Variants in MEF2D observed in about 807,000 individuals in gnomAD.
The protein encoded by MEF2D is myocyte enhancer factor 2D.
In MEF2D, 10 loss-of-function variants were observed where a neutral mutation model predicts 59.3. The ratio of observed to expected loss-of-function variants is 0.17; its 90% CI spans 0.10 to 0.29. The LOEUF (loss-of-function observed/expected upper bound fraction) is 0.29, where lower values mean the gene tolerates loss of function less well. MEF2D is among the 10% of genes least tolerant of loss of function. The probability of loss-of-function intolerance (pLI) is 1.00; values close to 1 mark genes in which losing one functional copy is unlikely to be tolerated. For missense variants in MEF2D, 508 were observed against 699.4 expected, an observed-to-expected ratio of 0.73 and a Z score of 3.09; for synonymous variants, 305 against 295.0, an observed-to-expected ratio of 1.03 and a Z score of -0.35.
At chr1:156,478,587 A>G (rs1258568756) in intron 6 of MEF2D, among the ~76,000 whole-genome samples, 1 of 151,958 alleles carries the variant, frequency 6.6e-6, no homozygotes, top group African/African-American at 2.4e-5. Context: ...CTGGAGTGCA[A>G]TGGCATGATC....
intron 9 of MEF2D, among the ~76,000 whole-genome samples, chr1:156,470,610 T>C (rs529168774): frequency 6.6e-6 from 1 of 152,238 alleles, no homozygotes; most frequent in East Asian, 1.9e-4. Flanking sequence ...CTCTGCAATA[T>C]AGCAATAAGG....
chr1:156,496,653 C>T (rs1461859148), intron 1 of MEF2D, among the ~76,000 whole-genome samples: 1 of 152,190 alleles, frequency 6.6e-6, no homozygotes, highest in Admixed American at 6.5e-5. Flanking sequence ...CCCAACTCTC[C>T]AATCCTTTAA....
At chr1:156,488,129 T>G (rs892100690) in intron 1 of MEF2D, among the ~76,000 whole-genome samples, 6 of 152,146 alleles carry the variant, frequency 3.9e-5, no homozygotes, top group African/African-American at 1.4e-4. Flanking sequence ...TTCACCTGAC[T>G]CCGTGGACAG....
At chr1:156,476,127 G>C (rs1040186270) in intron 8 of MEF2D, among the ~76,000 whole-genome samples, 8 of 152,228 alleles carry the variant, frequency 5.3e-5, no homozygotes, top group Non-Finnish European at 1.2e-4. Flanking sequence ...CAGAGGACTA[G>C]TGGGATCCAG....
intron 9 of MEF2D, among the ~76,000 whole-genome samples, chr1:156,471,500 G>A (rs1278315877): frequency 6.6e-6 from 1 of 152,218 alleles, no homozygotes; most frequent in East Asian, 1.9e-4. Flanking sequence ...CTTGCCCAAG[G>A]CCCCTCAGTG....
At chr1:156,487,198 G>C (rs938619723) in intron 1 of MEF2D, among the ~76,000 whole-genome samples, 2 of 152,224 alleles carry the variant, frequency 1.3e-5, no homozygotes, top group Non-Finnish European at 2.9e-5. Flanking sequence ...CCTCATGCTG[G>C]GGGAGCTGGG....
At chr1:156,481,106 C>T in intron 3 of MEF2D, 135 bp from the exon 4 acceptor site, 2 of 1,247,380 alleles carry the variant, frequency 1.6e-6, no homozygotes, top group South Asian at 1.4e-5. Context: ...ATCTCCCTGG[C>T]CCCTCCCCAC....
Position 156,477,215 on chromosome 1 carries a change from C to T in MEF2D, c.665-13G>A. 4 of 1,579,976 alleles carry T rather than the reference C, an allele frequency of 2.5e-6. No homozygotes were observed. The highest frequency in any genetic ancestry group is 3.4e-6 in the Non-Finnish European group (4 of 1,162,022). On this transcript the variant is annotated splice_polypyrimidine_tract_variant and intron_variant, in intron 6 of 11. Transcript: ENST00000348159. Reference sequence around the variant, plus strand: ...ACGTAGCCATTCCCTGGAGAAGTGACAACAAGAGGGTAAAAGGAAAAACAT... The same window carrying T: ...ACGTAGCCATTCCCTGGAGAAGTGATAACAAGAGGGTAAAAGGAAAAACAT...
rs189849082 is a variant in MEF2D, at chr1:156,468,342, G to C, written c.1248-43C>G. The C allele has an allele frequency of 7.9e-4, 1,111 of 1,400,558 alleles. No individual in the cohort carries two copies. Among genetic ancestry groups the C allele is most frequent in the Admixed American group, 1.1e-3 (50 of 44,604 alleles). 86.8% of individuals were successfully genotyped at this position (1,400,558 alleles called of 1,614,324 possible). A position where few individuals can be genotyped will look rare whatever the true frequency, so the allele number is the denominator to read the frequency against. On this transcript the variant is annotated intron_variant, in intron 10 of 11. Transcript: ENST00000348159. This position sits in a 1 kb window ranked among gnomAD's most constrained non-coding sequence, Gnocchi z 4.3. ...AAATGGGGTACAAGGGATAAAAACA[G>C]AGGGGGTGAGTGACAGAACAAGTGA...
chr1:156,496,366 C>T (rs1286891096), intron 1 of MEF2D, among the ~76,000 whole-genome samples: 1 of 152,066 alleles, frequency 6.6e-6, no homozygotes, highest in Non-Finnish European at 1.5e-5. Flanking sequence ...AAAGCTGGGG[C>T]CCAAGAGGAG....
At chr1:156,479,422 G>C in intron 5 of MEF2D, 76 bp from the exon 6 acceptor site, 1 of 1,541,796 alleles carries the variant, frequency 6.5e-7, no homozygotes, top group Non-Finnish European at 8.8e-7. Flanking sequence ...TGAACATGAA[G>C]AGGGGACCCC....
Position 156,482,599 on chromosome 1 carries a change from C to A in MEF2D, c.96G>T (p.Ala32=). 1 of 1,614,240 alleles carries A rather than the reference C, an allele frequency of 6.2e-7. No homozygotes were observed. Among genetic ancestry groups the A allele is most frequent in the Non-Finnish European group, 8.5e-7 (1 of 1,180,040 alleles). Residue 32 remains alanine, a synonymous_variant, in exon 3 of 12, where the codon GCG becomes GCT. Transcript: ENST00000348159. ...AGTCACATAGCACGCTCAGCTCATACGCCTTCTTCATCAGGCCAAACTTCC... is the reference window on the plus strand; with the variant it reads ...AGTCACATAGCACGCTCAGCTCATAAGCCTTCTTCATCAGGCCAAACTTCC... ...TKRKFGLMKK[A]YELSVLCDCE... is the part of the protein sequence containing the mutation.
At chr1:156,469,096 G>A in intron 9 of MEF2D, 76 bp from the exon 10 acceptor site, 2 of 1,520,790 alleles carry the variant, frequency 1.3e-6, no homozygotes, top group Non-Finnish European at 1.8e-6. Flanking sequence ...CTGCCTCCAG[G>A]AGGACTGTGG....
chr1:156,476,627 C>A, intron 7 of MEF2D, 113 bp from the exon 8 acceptor site: 1 of 1,282,600 alleles, frequency 7.8e-7, no homozygotes, highest in Non-Finnish European at 1.1e-6. Context: ...TAGGGTGGCT[C>A]TACCCAGCCT....
chr1:156,500,086 C>A (rs1673394064), intron 1 of MEF2D, among the ~76,000 whole-genome samples: 1 of 152,064 alleles, frequency 6.6e-6, no homozygotes, highest in South Asian at 2.1e-4. Flanking sequence ...GAGGGAGGGC[C>A]GGCTGTTAAA....
Position 156,468,852 on chromosome 1 carries a change from TGTGGCTGTGGCTGCTGTGGCTGCG to T in MEF2D, c.1151_1174del (p.Pro384_Pro391del). The T allele has an allele frequency of 1.2e-6, 2 of 1,613,876 alleles. No homozygotes were observed. Among genetic ancestry groups the T allele is most frequent in the Non-Finnish European group, 8.5e-7 (1 of 1,179,892 alleles). On this transcript the variant is annotated inframe_deletion, in exon 10 of 12. Transcript: ENST00000348159. This position sits in a 1 kb window ranked among gnomAD's most constrained non-coding sequence, Gnocchi z 4.3. ...TGGCTGTTGCGGCTGCTGAGGCTGC[TGTGGCTGTGGCTGCTGTGGCTGCG>T]GTGGCTGCTGCTGTGGAGGCTGTGG...
Position 156,465,667 on chromosome 1 carries a change from C to A in MEF2D, c.*1978G>T. 1 of 152,184 alleles carries A rather than the reference C, an allele frequency of 6.6e-6. No individual in the cohort carries two copies. The allele number at this position is 152,184 out of a possible 1,614,324, so 9.4% of individuals were successfully genotyped here. A position where few individuals can be genotyped will look rare whatever the true frequency, so the allele number is the denominator to read the frequency against. On this transcript the variant is annotated 3_prime_UTR_variant, in exon 12 of 12. Transcript: ENST00000348159. ...ACACACATAAATACAAAAGTACACC[C>A]GTGCAATCAGACATACACACACACA...
intron 9 of MEF2D, among the ~76,000 whole-genome samples, chr1:156,472,622 C>T (rs1205193083): frequency 1.3e-5 from 2 of 152,190 alleles, no homozygotes; most frequent in Non-Finnish European, 2.9e-5. Flanking sequence ...AACCTCGGCT[C>T]ACCGCAACCT....
intron 1 of MEF2D, among the ~76,000 whole-genome samples, chr1:156,485,020 A>G (rs144586142): frequency 2.4e-3 from 366 of 152,138 alleles, no homozygotes; most frequent in African/African-American, 8.4e-3. Flanking sequence ...AAGCCACTCT[A>G]TTTGGGTCCT....
Sources: allele counts gnomAD v4.1 joint callset (sites outside exome capture counted in the v4.1 genomes callset), GRCh38; gene constraint gnomAD v4.1.1; non-coding constraint Gnocchi (gnomAD v3.1); transcripts MANE v1.5; gene names NCBI Gene and HGNC (gene_info 2026-07-23, HGNC 2026-07-21).